Variants in COMMD6 observed in about 807,000 individuals in gnomAD.
COMMD6 encodes COMM domain-containing protein 6.
COMMD6 carries 11 observed loss-of-function variants against 13.4 expected under a neutral mutation model. The ratio of observed to expected loss-of-function variants is 0.82; its 90% CI spans 0.52 to 1.36. COMMD6 has a LOEUF of 1.36. COMMD6 is among the 40% of genes most tolerant of loss of function. The pLI, the probability that COMMD6 is intolerant of heterozygous loss-of-function variation, is 0.00. For missense variants in COMMD6, 124 were observed against 102.4 expected, an observed-to-expected ratio of 1.21 and a Z score of -0.91; for synonymous variants, 43 against 36.5, an observed-to-expected ratio of 1.18 and a Z score of -0.64.
At chr13:75,533,251 G>GA (rs1411613579) in intron 2 of COMMD6, among the ~76,000 whole-genome samples, 4 of 151,626 alleles carry the variant, frequency 2.6e-5, no homozygotes, top group African/African-American at 9.7e-5. Context: ...TCAATAGAGA[G>GA]AATGATATCA....
intron 3 of COMMD6, 99 bp from the exon 4 acceptor site, chr13:75,526,738 T>A: frequency 1.4e-6 from 1 of 719,080 alleles, no homozygotes; most frequent in Non-Finnish European, 2.2e-6. Context: ...TATAACATAT[T>A]AAGTTTGCAT....
At chr13:75,529,540 A>G (rs1014045930) in intron 3 of COMMD6, among the ~76,000 whole-genome samples, 10 of 142,836 alleles carry the variant, frequency 7.0e-5, no homozygotes, top group Non-Finnish European at 1.1e-4. Context: ...AAAAAAAAAA[A>G]AAAAAAAGAA....
At chr13:75,544,939 A>AAAAAAAAAAAC (rs1453539568) in intron 1 of COMMD6, among the ~76,000 whole-genome samples, 1 of 151,150 alleles carries the variant, frequency 6.6e-6, no homozygotes, top group African/African-American at 2.4e-5. Context: ...AAAAAAAAAA[A>AAAAAAAAAAAC]AAACAAAAAA....
chr13:75,546,577 C>A (rs560675726), intron 1 of COMMD6, among the ~76,000 whole-genome samples: 3 of 121,710 alleles, frequency 2.5e-5, no homozygotes, highest in Non-Finnish European at 6.0e-5. Context: ...TATGATTCAG[C>A]AGTTGCTGCA....
upstream of COMMD6, among the ~76,000 whole-genome samples, chr13:75,540,768 A>T (rs1398389575): frequency 6.6e-6 from 1 of 152,236 alleles, no homozygotes; most frequent in Non-Finnish European, 1.5e-5. Flanking sequence ...TAAGTAGAAC[A>T]TATGTCAGAA....
In COMMD6 at chr13:75,529,930, A is replaced by G. The variant is rs547571286; in HGVS notation, c.207+184T>C. ...CACAACTTCAGCACATTATATTGAA[A>G]ATAATTTATCAAATTCCCAAAGAAG... On this transcript the variant is annotated intron_variant, in intron 3 of 3. Coordinates refer to ENST00000682242, the MANE Select transcript of COMMD6 (RefSeq NM_203495.4). The G allele has an allele frequency of 1.3e-4, 69 of 549,332 alleles. 1 individual carries two copies. The South Asian group carries it at 1.7e-3, about 14-fold the overall frequency. 34.0% of individuals were successfully genotyped at this position (549,332 alleles called of 1,614,324 possible).
At chr13:75,548,596 C>G (rs185133587) in intron 1 of COMMD6, among the ~76,000 whole-genome samples, 7 of 152,252 alleles carry the variant, frequency 4.6e-5, no homozygotes, top group African/African-American at 1.4e-4. Flanking sequence ...TTCTCCGTGG[C>G]TACTGTTTTA....
intron 3 of COMMD6, among the ~76,000 whole-genome samples, chr13:75,527,012 G>A (rs1303144621): frequency 6.6e-6 from 1 of 152,098 alleles, no homozygotes; most frequent in Admixed American, 6.6e-5. Context: ...ATTTCAGTGT[G>A]GTAAGGGCTA....
At chr13:75,527,895 T>C in intron 3 of COMMD6, 1 of 1,482,440 alleles carries the variant, frequency 6.7e-7, no homozygotes, top group Non-Finnish European at 9.0e-7. Flanking sequence ...TACAAACTTT[T>C]GGTTACAAAA....
At chr13:75,539,243 G>A (rs74789903), upstream of COMMD6, among the ~76,000 whole-genome samples, 1 of 114,822 alleles carries the variant, frequency 8.7e-6, no homozygotes, top group African/African-American at 3.2e-5. Flanking sequence ...TTTTTTTTTT[G>A]AGACAGAGTC....
At chr13:75,529,393 C>T (rs1208909746) in intron 3 of COMMD6, among the ~76,000 whole-genome samples, 6 of 151,696 alleles carry the variant, frequency 4.0e-5, no homozygotes, top group Non-Finnish European at 8.8e-5. Flanking sequence ...TGGTGGTGGG[C>T]GCCTGTAGTC....
chr13:75,537,609 C>T, intron 2 of COMMD6, 55 bp downstream of exon 2: 4 of 1,612,934 alleles, frequency 2.5e-6, no homozygotes, highest in Non-Finnish European at 3.4e-6. Context: ...GGCACGGCCT[C>T]GCGGCCGTGG....
intron 2 of COMMD6, among the ~76,000 whole-genome samples, chr13:75,536,142 G>C (rs2030655773): frequency 1.3e-5 from 2 of 152,132 alleles, no homozygotes; most frequent in Admixed American, 1.3e-4. Flanking sequence ...CCAAAGCCCT[G>C]AGCTTACAGT....
chr13:75,542,568 C>T (rs1446490479), upstream of COMMD6, among the ~76,000 whole-genome samples: 2 of 152,170 alleles, frequency 1.3e-5, no homozygotes, highest in African/African-American at 2.4e-5. Context: ...GGATTACAGG[C>T]GTGAGTGACT....
intron 2 of COMMD6, among the ~76,000 whole-genome samples, chr13:75,530,966 T>C (rs2030458665): frequency 2.6e-5 from 4 of 152,238 alleles, no homozygotes; most frequent in Admixed American, 1.3e-4. Context: ...AACATGCAGC[T>C]GTTAATACTG....
At chr13:75,535,752 T>C (rs904087046) in intron 2 of COMMD6, among the ~76,000 whole-genome samples, 1 of 152,234 alleles carries the variant, frequency 6.6e-6, no homozygotes, top group Non-Finnish European at 1.5e-5. Flanking sequence ...TTGTTCAGTT[T>C]TTCCTTGTTG....
At chr13:75,532,141 T>C (rs1365264204) in intron 2 of COMMD6, among the ~76,000 whole-genome samples, 1 of 152,190 alleles carries the variant, frequency 6.6e-6, no homozygotes, top group East Asian at 1.9e-4. Context: ...AAGTGGGCAT[T>C]GATTGAAGAG....
chr13:75,543,048 G>A (rs1404311377), upstream of COMMD6, among the ~76,000 whole-genome samples: 23 of 152,240 alleles, frequency 1.5e-4, no homozygotes, highest in Admixed American at 1.5e-3. Flanking sequence ...GGATGGGGCT[G>A]AAGGCCATTA....
upstream of COMMD6, among the ~76,000 whole-genome samples, chr13:75,541,958 G>A (rs958886327): frequency 2.6e-5 from 4 of 152,172 alleles, no homozygotes; most frequent in Non-Finnish European, 5.9e-5. Context: ...AAATACATAT[G>A]CCATAGTAAA....
Sources: allele counts gnomAD v4.1 joint callset (sites outside exome capture counted in the v4.1 genomes callset), GRCh38; gene constraint gnomAD v4.1.1; transcripts MANE v1.5; gene names NCBI Gene and HGNC (gene_info 2026-07-23, HGNC 2026-07-21).